Variants in PPARA observed in about 807,000 individuals in gnomAD.
PPARA encodes the protein peroxisome proliferator activated receptor alpha, also known as peroxisome proliferator-activated receptor alpha.
Under a neutral mutation model 42.2 loss-of-function variants are expected in PPARA, and 22 were observed. The ratio of observed to expected loss-of-function variants is 0.52; its 90% confidence interval spans 0.37 to 0.74. PPARA has a LOEUF of 0.74. Among genes scored for constraint, PPARA ranks in the 30% least tolerant of loss-of-function variants. PPARA has a pLI of 0.00. For synonymous variants in PPARA, 242 were observed against 239.3 expected (o/e 1.01, Z -0.10); for missense variants, 465 against 608.2 (o/e 0.76, Z 2.48).
Position 46,200,875 on chromosome 22 carries a change from G to A in PPARA, c.208+2284G>A, listed in dbSNP as rs1035670263. 6.6e-6 allele frequency among the ~76,000 whole-genome samples: 1 copy of A among 151,844 alleles called. No homozygotes were observed. The highest frequency in any genetic ancestry group is 1.5e-5 in the Non-Finnish European group (1 of 68,016). Reference sequence around the variant, plus strand: ...GGAGGCAGAGGTTGCAGTGAGCAGAGATCATGCCACTGTACTCTAGCTTGG... The same window carrying A: ...GGAGGCAGAGGTTGCAGTGAGCAGAAATCATGCCACTGTACTCTAGCTTGG... On this transcript the variant is annotated intron_variant, in intron 4 of 8. Transcript: ENST00000407236. The surrounding 1 kb of genome is among the most constrained non-coding windows in gnomAD (Gnocchi z 4.8).
intron 2 of PPARA, chr22:46,164,512 C>G (rs928771157): frequency 2.6e-5 from 4 of 152,294 alleles, no homozygotes; most frequent in African/African-American, 9.6e-5. Flanking sequence ...CTCGGCCTCC[C>G]AAAGTGCTGG....
At chr22:46,207,159 G>T (rs1481818469) in intron 4 of PPARA, among the ~76,000 whole-genome samples, 1 of 151,152 alleles carries the variant, frequency 6.6e-6, no homozygotes. Context: ...GGAGGCAGAG[G>T]TTGCAGTGAG....
chr22:46,206,969 T>C (rs1404151281), intron 4 of PPARA, among the ~76,000 whole-genome samples: 2 of 152,160 alleles, frequency 1.3e-5, no homozygotes, highest in African/African-American at 4.8e-5. Flanking sequence ...ACGCCTGTAA[T>C]CCGAGCACTT....
chr22:46,201,243 C>T (rs1386915401), intron 4 of PPARA, among the ~76,000 whole-genome samples: 1 of 152,070 alleles, frequency 6.6e-6, no homozygotes, highest in African/African-American at 2.4e-5. Flanking sequence ...TGCATGCTGG[C>T]ATGATCGCGC....
rs879680986 is a variant in PPARA at position 46,196,426 on chromosome 22, G to A, written c.-42-1916G>A. On this transcript the variant is annotated intron_variant, in intron 3 of 8. Coordinates refer to ENST00000407236, the MANE Select transcript of PPARA (RefSeq NM_005036.6). The surrounding 1 kb of genome is among the most constrained non-coding windows in gnomAD (Gnocchi z 5.6). ...TGTCACACCCAGCACACATGCCACC[G>A]GCTTGGCCCTGCGCCCCGCAGCCTG... Among the ~76,000 whole-genome samples, 13 of 152,162 alleles carry A rather than the reference G, an allele frequency of 8.5e-5. No individual in the cohort carries two copies. Among genetic ancestry groups the A allele is most frequent in the Admixed American group, 1.3e-4 (2 of 15,280 alleles).
rs1925367774 is a variant in PPARA at position 46,156,816 on chromosome 22, G to A, written c.-127+4846G>A. On this transcript the variant is annotated intron_variant, in intron 2 of 8. Coordinates refer to ENST00000407236, the MANE Select transcript of PPARA (RefSeq NM_005036.6). The surrounding 1 kb of genome is among the most constrained non-coding windows in gnomAD (Gnocchi z 5.2). Reference sequence around the variant, plus strand: ...GGAGTTTCACCATGTTGGCCAGGCTGGTTTTGAACTTCTGACCTCAGGTGA... The same window carrying A: ...GGAGTTTCACCATGTTGGCCAGGCTAGTTTTGAACTTCTGACCTCAGGTGA... 6.6e-6 allele frequency among the ~76,000 whole-genome samples: 1 copy of A among 152,184 alleles called. No individual in the cohort carries two copies. Among genetic ancestry groups the A allele is most frequent in the Admixed American group, 6.5e-5 (1 of 15,274 alleles).
In PPARA at chr22:46,191,932, G is replaced by C. The variant is rs1166990040; in HGVS notation, c.-42-6410G>C. 6.6e-6 allele frequency among the ~76,000 whole-genome samples: 1 copy of C among 152,210 alleles called. No homozygotes were observed. Among genetic ancestry groups the C allele is most frequent in the Non-Finnish European group, 1.5e-5 (1 of 68,040 alleles). On this transcript the variant is annotated intron_variant, in intron 3 of 8. Transcript: ENST00000407236. This position sits in a 1 kb window ranked among gnomAD's most constrained non-coding sequence, Gnocchi z 4.6. ...AATACAAAAGTAGCCGGGCGTGGTG[G>C]CGCACGCCCGTAGTCCCAGCTACTC...
At position 46,232,014 on chromosome 22, in the gene PPARA, G is replaced by A. The variant is rs1276378189; in HGVS notation, c.934G>A (p.Gly312Arg). Residue 312 changes from glycine to arginine, a missense_variant, in exon 8 of 9, where the codon GGA becomes AGA. Transcript: ENST00000407236. The surrounding 1 kb of genome is among the most constrained non-coding windows in gnomAD (Gnocchi z 5.3). ...CGATCAAGTGACATTGCTAAAATAC[G>A]GAGTTTATGAGGCCATATTCGCCAT... ...LNDQVTLLKY[G>R]VYEAIFAMLS... The A allele has an allele frequency of 6.8e-6, 11 of 1,614,066 alleles. No individual in the cohort carries two copies. Among genetic ancestry groups the A allele is most frequent in the African/African-American group, 2.7e-5 (2 of 74,922 alleles).
rs149216191 is a variant in PPARA at position 46,202,045 on chromosome 22, G to C, written c.208+3454G>C. ...TTCTTTGGGTAAGATATACTCTAGAGCTTGTTCTGAAATATGGAATTTGTG... is the reference window on the plus strand; with the variant it reads ...TTCTTTGGGTAAGATATACTCTAGACCTTGTTCTGAAATATGGAATTTGTG... On this transcript the variant is annotated intron_variant, in intron 4 of 8. Coordinates refer to ENST00000407236, the MANE Select transcript of PPARA (RefSeq NM_005036.6). Among the ~76,000 whole-genome samples, 626 of 152,216 alleles carry C rather than the reference G, an allele frequency of 4.1e-3. 7 individuals carry two copies. The highest frequency in any genetic ancestry group is 0.014 in the African/African-American group (597 of 41,516).
At position 46,150,551 on chromosome 22, in the gene PPARA, G is replaced by T. The variant is rs913544200; in HGVS notation, c.-311G>T. 1 of 145,848 alleles carries T rather than the reference G, an allele frequency of 6.9e-6. No homozygotes were observed. The highest frequency in any genetic ancestry group is 2.5e-5 in the African/African-American group (1 of 40,678). 9.0% of individuals were successfully genotyped at this position (145,848 alleles called of 1,614,324 possible). On this transcript the variant is annotated 5_prime_UTR_variant, in exon 1 of 9. Coordinates refer to ENST00000407236, the MANE Select transcript of PPARA (RefSeq NM_005036.6). The surrounding 1 kb of genome is among the most constrained non-coding windows in gnomAD (Gnocchi z 7.5). ...GTGGACGCGGCGGCCCCGCGGCGGG[G>T]GCAGCGGGCGGCGGGGGCGGAGGCG... is the stretch of plus-strand genomic sequence containing the variant.
At position 46,185,964 on chromosome 22, in the gene PPARA, T is replaced by TACACACACAC. The variant is rs55691428; in HGVS notation, c.-43+9129_-43+9138dup. On this transcript the variant is annotated intron_variant, in intron 3 of 8. Transcript: ENST00000407236. ...ATATATATATATATATATATATATA[T>TACACACACAC]ACACACACACTAACCTTCAGCATAT... 3.1e-4 allele frequency among the ~76,000 whole-genome samples: 8 copies of TACACACACAC among 25,932 alleles called. 1 individual carries two copies. Among genetic ancestry groups the TACACACACAC allele is most frequent in the African/African-American group, 6.5e-4 (6 of 9,164 alleles). 17.0% of individuals were successfully genotyped at this position (25,932 alleles called of 152,430 possible). A position where few individuals can be genotyped will look rare whatever the true frequency, so the allele number is the denominator to read the frequency against.
At position 46,211,093 on chromosome 22, in the gene PPARA, T is replaced by C. The variant is rs560547237; in HGVS notation, c.209-4080T>C. Among the ~76,000 whole-genome samples the C allele has an allele frequency of 6.6e-6, 1 of 152,270 alleles. No individual in the cohort carries two copies. The highest frequency in any genetic ancestry group is 1.9e-4 in the East Asian group (1 of 5,188). On this transcript the variant is annotated intron_variant, in intron 4 of 8. Transcript: ENST00000407236. This position sits in a 1 kb window ranked among gnomAD's most constrained non-coding sequence, Gnocchi z 4.1. Reference sequence around the variant, plus strand: ...TTCAGGTTGCTACTGAAGTATCCCTTTTTCAGGCTCTCAGCTGGCAGAGCA... The same window carrying C: ...TTCAGGTTGCTACTGAAGTATCCCTCTTTCAGGCTCTCAGCTGGCAGAGCA...
chr22:46,237,562 C>T lies in PPARA; in HGVS notation c.*2182C>T, dbSNP rs1294439315. The T allele has an allele frequency of 6.6e-6, 1 of 151,084 alleles. No homozygotes were observed. The highest frequency in any genetic ancestry group is 2.4e-5 in the African/African-American group (1 of 40,824). The allele number at this position is 151,084 out of a possible 1,614,324, so 9.4% of individuals were successfully genotyped here. ...GCAGTGAGCTGTGATCTCACCACTG[C>T]ATTCCAGCCTGGGTGACAGAGTTAG... On this transcript the variant is annotated 3_prime_UTR_variant, in exon 9 of 9. Coordinates refer to ENST00000407236, the MANE Select transcript of PPARA (RefSeq NM_005036.6). This position sits in a 1 kb window ranked among gnomAD's most constrained non-coding sequence, Gnocchi z 6.7.
In PPARA at chr22:46,190,522, C is replaced by T. The variant is rs1434233861; in HGVS notation, c.-42-7820C>T. 3.3e-5 allele frequency among the ~76,000 whole-genome samples: 5 copies of T among 152,160 alleles called. No individual in the cohort carries two copies. The highest frequency in any genetic ancestry group is 7.3e-5 in the Non-Finnish European group (5 of 68,030). On this transcript the variant is annotated intron_variant, in intron 3 of 8. Coordinates refer to ENST00000407236, the MANE Select transcript of PPARA (RefSeq NM_005036.6). This position sits in a 1 kb window ranked among gnomAD's most constrained non-coding sequence, Gnocchi z 5.6. ...GTAATCCCAACACTTAGAGGCCAAG[C>T]CGCGTGGATCGCTTGAGCCCAGGAG...
In PPARA at chr22:46,221,656, G is replaced by A. The variant is rs775263997; in HGVS notation, c.711+1642G>A. Among the ~76,000 whole-genome samples, 5 of 152,040 alleles carry A rather than the reference G, an allele frequency of 3.3e-5. No homozygotes were observed. The highest frequency in any genetic ancestry group is 7.2e-5 in the African/African-American group (3 of 41,408). On this transcript the variant is annotated intron_variant, in intron 7 of 8. Transcript: ENST00000407236. This position sits in a 1 kb window ranked among gnomAD's most constrained non-coding sequence, Gnocchi z 5.9. ...CCACTAAAAATACAAAAAATTAGCC[G>A]GGCGTGGTGGCGGGCGCCTGTAGTC...
rs1404238452 is a variant in PPARA at position 46,180,614 on chromosome 22, C to T, written c.-43+3778C>T. Among the ~76,000 whole-genome samples, 1 of 152,194 alleles carries T rather than the reference C, an allele frequency of 6.6e-6. No individual in the cohort carries two copies. Among genetic ancestry groups the T allele is most frequent in the African/African-American group, 2.4e-5 (1 of 41,436 alleles). On this transcript the variant is annotated intron_variant, in intron 3 of 8. Coordinates refer to ENST00000407236, the MANE Select transcript of PPARA (RefSeq NM_005036.6). The surrounding 1 kb of genome is among the most constrained non-coding windows in gnomAD (Gnocchi z 4.2). Reference sequence around the variant, plus strand: ...TCACAAGATGATAACGGCCTTTATTCTCACTTCTGTATGCCTGCTTCCTGC... The same window carrying T: ...TCACAAGATGATAACGGCCTTTATTTTCACTTCTGTATGCCTGCTTCCTGC...
intron 5 of PPARA, 89 bp from the exon 6 acceptor site, chr22:46,218,174 T>C (rs1934668618): frequency 3.3e-6 from 5 of 1,522,446 alleles, no homozygotes; most frequent in Non-Finnish European, 4.5e-6. Context: ...AAAGAAACAA[T>C]AAATGAGCAA....
rs1251361458 is a variant in PPARA at position 46,233,697 on chromosome 22, T to C, written c.1160-1436T>C. ...TATTTATATGTAGCATGATCACAGTTTTATAAAGGAAATTATAATCCTATA... is the reference window on the plus strand; with the variant it reads ...TATTTATATGTAGCATGATCACAGTCTTATAAAGGAAATTATAATCCTATA... On this transcript the variant is annotated intron_variant, in intron 8 of 8. Coordinates refer to ENST00000407236, the MANE Select transcript of PPARA (RefSeq NM_005036.6). This position sits in a 1 kb window ranked among gnomAD's most constrained non-coding sequence, Gnocchi z 7.3. Among the ~76,000 whole-genome samples, 5 of 152,192 alleles carry C rather than the reference T, an allele frequency of 3.3e-5. No individual in the cohort carries two copies. The highest frequency in any genetic ancestry group is 6.5e-5 in the Admixed American group (1 of 15,272).
At chr22:46,206,233 C>A (rs1208402380) in intron 4 of PPARA, among the ~76,000 whole-genome samples, 1 of 152,042 alleles carries the variant, frequency 6.6e-6, no homozygotes, top group African/African-American at 2.4e-5. Context: ...TCCTGAGTAG[C>A]TAGGATCAGA....
Sources: gnomAD v4.1 joint callset for allele counts (sites outside exome capture counted in the v4.1 genomes callset) on GRCh38, gnomAD v4.1.1 for gene constraint, Gnocchi (gnomAD v3.1) non-coding constraint, MANE v1.5 for transcripts, NCBI Gene and HGNC (gene_info 2026-07-23, HGNC 2026-07-21) for gene names.